Variants in COL4A3 observed in about 807,000 individuals in gnomAD.
COL4A3 encodes the protein collagen type IV alpha 3 chain.
A neutral mutation model predicts 217.4 loss-of-function variants in COL4A3; 135 were observed. That is an observed-to-expected ratio of 0.62 (90% CI 0.54 to 0.72). COL4A3 has a LOEUF of 0.72. COL4A3 is among the 30% of genes least tolerant of loss of function. The pLI is 0.00. For missense variants in COL4A3, 1,868 were observed against 2,119.9 expected (o/e 0.88, Z 2.33); for synonymous variants, 690 against 736.3 (o/e 0.94, Z 1.02).
intron 31 of COL4A3, among the ~76,000 whole-genome samples, chr2:227,281,535 ATC>A (rs2071965222): frequency 6.6e-6 from 1 of 152,208 alleles, no homozygotes. Context: ...TTGTTTTTGG[ATC>A]CTCTCCTCAT....
intron 11 of COL4A3, among the ~76,000 whole-genome samples, chr2:227,251,930 A>G (rs944086018): frequency 2.0e-5 from 3 of 151,846 alleles, no homozygotes; most frequent in African/African-American, 4.8e-5. Context: ...TTAGCCGGGC[A>G]TGGTGGTGCA....
At chr2:227,192,098 A>C (rs1232694959) in intron 1 of COL4A3, among the ~76,000 whole-genome samples, 1 of 152,236 alleles carries the variant, frequency 6.6e-6, no homozygotes, top group Non-Finnish European at 1.5e-5. Context: ...ATTCATTTTT[A>C]TCTCTCTTTG....
At chr2:227,280,809 A>G (rs1448620313) in intron 30 of COL4A3, 84 bp from the exon 31 acceptor site, 5 of 1,146,150 alleles carry the variant, frequency 4.4e-6, no homozygotes, top group African/African-American at 3.1e-5. Flanking sequence ...GGTGGAAAAA[A>G]AGTTAACAGA....
At chr2:227,211,903 G>A (rs2067338452) in intron 1 of COL4A3, among the ~76,000 whole-genome samples, 1 of 152,050 alleles carries the variant, frequency 6.6e-6, no homozygotes. Flanking sequence ...CTGACCTCAG[G>A]TGATCTGCCT....
chr2:227,256,816 C>T (rs1201880354), intron 17 of COL4A3, among the ~76,000 whole-genome samples: 1 of 152,174 alleles, frequency 6.6e-6, no homozygotes, highest in Non-Finnish European at 1.5e-5. Context: ...CAATATGTTA[C>T]AAATATTTTC....
At chr2:227,175,397 G>A (rs2065640959) in intron 1 of COL4A3, among the ~76,000 whole-genome samples, 1 of 152,118 alleles carries the variant, frequency 6.6e-6, no homozygotes, top group African/African-American at 2.4e-5. Context: ...CTTGAACCTG[G>A]GAGGCAAAAG....
intron 14 of COL4A3, 45 bp downstream of exon 14, chr2:227,254,219 AGCCT>A: frequency 6.5e-7 from 1 of 1,529,768 alleles, no homozygotes. Context: ...CATAAAGTAG[AGCCT>A]TAGTATTTAC....
intron 1 of COL4A3, among the ~76,000 whole-genome samples, chr2:227,211,204 T>C (rs1214228685): frequency 1.3e-5 from 2 of 152,222 alleles, no homozygotes; most frequent in African/African-American, 4.8e-5. Flanking sequence ...TTTCACCATG[T>C]TGGCCAGGAT....
intron 1 of COL4A3, among the ~76,000 whole-genome samples, chr2:227,205,117 A>G (rs1029038440): frequency 6.6e-6 from 1 of 152,224 alleles, no homozygotes; most frequent in Admixed American, 6.5e-5. Flanking sequence ...GCATACTTCT[A>G]TATGCAATCT....
chr2:227,176,381 ATATT>A (rs2065674652), intron 1 of COL4A3, among the ~76,000 whole-genome samples: 1 of 152,200 alleles, frequency 6.6e-6, no homozygotes, highest in African/African-American at 2.4e-5. Context: ...GCACACACGT[ATATT>A]TAAATAATAT....
At chr2:227,228,683 T>C (rs1257621383) in intron 1 of COL4A3, 2 of 152,216 alleles carry the variant, frequency 1.3e-5, no homozygotes, top group Admixed American at 1.3e-4. Context: ...AATTATGTTC[T>C]GGTCTATTAA....
chr2:227,277,352 A>G, intron 27 of COL4A3, 97 bp from the exon 28 acceptor site: 1 of 767,002 alleles, frequency 1.3e-6, no homozygotes, highest in Non-Finnish European at 2.2e-6. Context: ...AATGTGCAAA[A>G]GGGATAGGAC....
intron 1 of COL4A3, among the ~76,000 whole-genome samples, chr2:227,185,876 T>A (rs991190650): frequency 6.6e-6 from 1 of 152,160 alleles, no homozygotes; most frequent in Non-Finnish European, 1.5e-5. Flanking sequence ...CTGATGCAAA[T>A]GGTCCTTGGA....
intron 9 of COL4A3, 33 bp downstream of exon 9, chr2:227,248,553 TCA>T (rs1184928928): frequency 2.1e-6 from 3 of 1,449,996 alleles, no homozygotes; most frequent in Admixed American, 3.3e-5. Context: ...CCTATTATTC[TCA>T]GTTTTTCACT....
chr2:227,249,230 A>ATATATTTTT lies in COL4A3; in HGVS notation c.546+711_546+712insATATTTTTT. Among the ~76,000 whole-genome samples, 3 of 14,688 alleles carry ATATATTTTT rather than the reference A, an allele frequency of 2.0e-4. 1 individual carries two copies. Among genetic ancestry groups the ATATATTTTT allele is most frequent in the Non-Finnish European group, 3.7e-4 (3 of 8,022 alleles). 9.6% of individuals were successfully genotyped at this position (14,688 alleles called of 152,430 possible). A position where few individuals can be genotyped will look rare whatever the true frequency, so the allele number is the denominator to read the frequency against. On this transcript the variant is annotated intron_variant, in intron 9 of 51. Transcript: ENST00000396578. Reference sequence around the variant, plus strand: ...TTAGCTAGTATATATATATATATATATTTTTTTTTTTTTTTTTTTTTTTGA... The same window carrying ATATATTTTT: ...TTAGCTAGTATATATATATATATATATATATTTTTTTTTTTTTTTTTTTTTTTTTTTTGA...
intron 43 of COL4A3, 115 bp downstream of exon 43, chr2:227,298,927 T>C (rs1377494441): frequency 1.1e-5 from 11 of 1,037,512 alleles, no homozygotes; most frequent in Non-Finnish European, 1.5e-5. Context: ...TCCATTCTCA[T>C]GATGTTAATA....
At chr2:227,218,092 A>ATATATATATATATATATATAGC (rs1334817757) in intron 1 of COL4A3, among the ~76,000 whole-genome samples, 1 of 146,486 alleles carries the variant, frequency 6.8e-6, no homozygotes, top group Non-Finnish European at 1.5e-5. Context: ...ATATATATAT[A>ATATATATATATATATATATAGC]TATATATATA....
At chr2:227,171,676 C>A (rs1577019066) in intron 1 of COL4A3, among the ~76,000 whole-genome samples, 1 of 152,224 alleles carries the variant, frequency 6.6e-6, no homozygotes, top group East Asian at 1.9e-4. Context: ...GGTGGTGAAT[C>A]CGTGTGGGTC....
chr2:227,195,105 A>G (rs759964912), intron 1 of COL4A3, among the ~76,000 whole-genome samples: 6 of 152,324 alleles, frequency 3.9e-5, no homozygotes, highest in Middle Eastern at 3.4e-3. Flanking sequence ...ATGTCCAGAA[A>G]TGACTGTTAG....
Sources: gnomAD v4.1 joint callset for allele counts (sites outside exome capture counted in the v4.1 genomes callset) on GRCh38, gnomAD v4.1.1 for gene constraint, MANE v1.5 for transcripts, NCBI Gene and HGNC (gene_info 2026-07-23, HGNC 2026-07-21) for gene names.